SLC24A3: variants seen among roughly 807,000 people sequenced by gnomAD.
SLC24A3 encodes solute carrier family 24 member 3, also known as sodium/potassium/calcium exchanger 3.
SLC24A3 carries 28 observed loss-of-function variants against 75.8 expected under a neutral mutation model. That is an observed-to-expected ratio of 0.37 (90% CI 0.27 to 0.51). The LOEUF is 0.51. Among genes scored for constraint, SLC24A3 ranks in the 20% least tolerant of loss-of-function variants. SLC24A3 has a pLI of 0.94. For missense variants in SLC24A3, 663 were observed against 847.8 expected (o/e 0.78, Z 2.71); for synonymous variants, 372 against 334.1 (o/e 1.11, Z -1.24).
intron 2 of SLC24A3, among the ~76,000 whole-genome samples, chr20:19,430,611 C>G (rs1177028221): frequency 6.6e-6 from 1 of 152,172 alleles, no homozygotes; most frequent in East Asian, 1.9e-4. Context: ...TGCAGCTGAT[C>G]CACACTAGCA....
chr20:19,488,890 G>T (rs4814861), intron 2 of SLC24A3, among the ~76,000 whole-genome samples: 4 of 151,938 alleles, frequency 2.6e-5, no homozygotes, highest in Non-Finnish European at 4.4e-5. Flanking sequence ...AAGTGTCACT[G>T]TCTCAGCCCA....
chr20:19,257,114 A>T (rs113685714), intron 1 of SLC24A3, among the ~76,000 whole-genome samples: 278 of 152,318 alleles, frequency 1.8e-3, no homozygotes, highest in African/African-American at 6.4e-3. Flanking sequence ...CCCAACTTGA[A>T]AAAAGTTCAT....
At chr20:19,283,033 G>A (rs1460232608) in intron 2 of SLC24A3, 2 of 152,600 alleles carry the variant, frequency 1.3e-5, no homozygotes, top group African/African-American at 4.8e-5. Flanking sequence ...GGAGAGGAAA[G>A]GCTTCAGGAG....
intron 2 of SLC24A3, among the ~76,000 whole-genome samples, chr20:19,496,926 A>G (rs1988297964): frequency 6.6e-6 from 1 of 152,182 alleles, no homozygotes; most frequent in African/African-American, 2.4e-5. Flanking sequence ...GTTCTTCCCC[A>G]GTGTCTAAAC....
intron 3 of SLC24A3, among the ~76,000 whole-genome samples, chr20:19,554,950 G>T (rs764467353): frequency 6.6e-6 from 1 of 152,208 alleles, no homozygotes; most frequent in Non-Finnish European, 1.5e-5. Flanking sequence ...TGGTTAGCAG[G>T]CAGGACTTAG....
intron 2 of SLC24A3, among the ~76,000 whole-genome samples, chr20:19,427,888 T>G (rs1351526144): frequency 6.6e-6 from 1 of 152,242 alleles, no homozygotes; most frequent in Non-Finnish European, 1.5e-5. Context: ...TGTGTATTCA[T>G]GCACAACTTT....
rs766226644 is a variant in SLC24A3, at chr20:19,409,247, C to T, written c.272-106241C>T. 3.9e-5 allele frequency among the ~76,000 whole-genome samples: 6 copies of T among 152,044 alleles called. 1 individual carries two copies. The South Asian group carries it at 8.3e-4, about 21-fold the overall frequency. On this transcript the variant is annotated intron_variant, in intron 2 of 16. Coordinates refer to ENST00000328041, the MANE Select transcript of SLC24A3 (RefSeq NM_020689.4). Reference sequence around the variant, plus strand: ...AGGAGGAGCCCTTCCCAGGAAGAGGCGCAGCAGGAGCAGAGGCCCTGCAGG... The same window carrying T: ...AGGAGGAGCCCTTCCCAGGAAGAGGTGCAGCAGGAGCAGAGGCCCTGCAGG...
chr20:19,230,661 T>TGGGG (rs5840835), intron 1 of SLC24A3, among the ~76,000 whole-genome samples: 11 of 103,116 alleles, frequency 1.1e-4, no homozygotes, highest in East Asian at 5.5e-4. Flanking sequence ...GACATATTGA[T>TGGGG]GGGGGGGGTG....
intron 1 of SLC24A3, among the ~76,000 whole-genome samples, chr20:19,222,983 AC>A (rs1981771046): frequency 6.6e-6 from 1 of 151,984 alleles, no homozygotes; most frequent in Non-Finnish European, 1.5e-5. Flanking sequence ...TTTCAGATTC[AC>A]ACACAGTCAT....
chr20:19,655,264 T>C (rs900792674), intron 7 of SLC24A3, among the ~76,000 whole-genome samples: 1 of 152,186 alleles, frequency 6.6e-6, no homozygotes, highest in African/African-American at 2.4e-5. Flanking sequence ...CAGCCAGTCC[T>C]CACGGCCATC....
intron 11 of SLC24A3, among the ~76,000 whole-genome samples, chr20:19,684,729 A>G (rs1247157703): frequency 6.6e-6 from 1 of 152,176 alleles, no homozygotes; most frequent in African/African-American, 2.4e-5. Flanking sequence ...TTTCTGGAAT[A>G]TAGCCTTATT....
intron 2 of SLC24A3, among the ~76,000 whole-genome samples, chr20:19,429,724 C>T (rs73288770): frequency 0.035 from 5,393 of 152,120 alleles, 294 homozygotes; most frequent in African/African-American, 0.12. Flanking sequence ...TATGGTCATC[C>T]GAGAGGGCCA....
intron 1 of SLC24A3, among the ~76,000 whole-genome samples, chr20:19,241,357 GAGTGCCCCATGTAGC>G (rs1982322337): frequency 6.6e-6 from 1 of 152,170 alleles, no homozygotes; most frequent in South Asian, 2.1e-4. Flanking sequence ...CGGGGCTTGG[GAGTGCCCCATGTAGC>G]TCAGAGCTGT....
intron 1 of SLC24A3, among the ~76,000 whole-genome samples, chr20:19,220,472 T>C (rs1217706491): frequency 6.6e-6 from 1 of 152,232 alleles, no homozygotes; most frequent in Non-Finnish European, 1.5e-5. Flanking sequence ...GATTAGGACC[T>C]TGACAATAGA....
intron 6 of SLC24A3, among the ~76,000 whole-genome samples, chr20:19,635,347 G>T (rs1469090273): frequency 3.9e-5 from 6 of 152,194 alleles, no homozygotes; most frequent in Admixed American, 3.3e-4. Flanking sequence ...TGGGGATGAG[G>T]GACATGAATC....
intron 2 of SLC24A3, among the ~76,000 whole-genome samples, chr20:19,428,558 T>C (rs1368095495): frequency 6.6e-6 from 1 of 152,240 alleles, no homozygotes. Flanking sequence ...ATGATAAAAC[T>C]GCCAGAGCCA....
chr20:19,717,715 C>A (rs911329343), intron 16 of SLC24A3, 122 bp downstream of exon 16: 1 of 1,001,978 alleles, frequency 1.0e-6, no homozygotes, highest in Non-Finnish European at 1.5e-6. Context: ...CTTGTCCCAT[C>A]TCCTGGCTCT....
At chr20:19,296,758 T>C (rs745838017) in intron 2 of SLC24A3, among the ~76,000 whole-genome samples, 3 of 152,342 alleles carry the variant, frequency 2.0e-5, no homozygotes, top group Middle Eastern at 6.8e-3. Context: ...GATAGACATC[T>C]ACAGAGCTTT....
chr20:19,220,364 C>A (rs1025076946), intron 1 of SLC24A3, among the ~76,000 whole-genome samples: 1 of 152,150 alleles, frequency 6.6e-6, no homozygotes, highest in Admixed American at 6.5e-5. Flanking sequence ...CTTTGCATTT[C>A]TGCATTGTTT....
Sources: gnomAD v4.1 joint callset for allele counts (sites outside exome capture counted in the v4.1 genomes callset) on GRCh38, gnomAD v4.1.1 for gene constraint, MANE v1.5 for transcripts, NCBI Gene and HGNC (gene_info 2026-07-23, HGNC 2026-07-21) for gene names.